ZNF839: variants seen among roughly 807,000 people sequenced by gnomAD.
The protein encoded by ZNF839 is zinc finger protein 839.
Under a neutral mutation model 56.4 loss-of-function variants are expected in ZNF839, and 38 were observed. The ratio of observed to expected loss-of-function variants is 0.67; its 90% CI spans 0.52 to 0.88. The LOEUF is 0.88. Ranked by LOEUF, ZNF839 falls within the 40% of genes least tolerant of loss-of-function variation. The pLI, the probability that ZNF839 is intolerant of heterozygous loss-of-function variation, is 0.00. For synonymous variants in ZNF839, 486 were observed against 493.5 expected (o/e 0.98, Z 0.20); for missense variants, 1,091 against 1,177.6 (o/e 0.93, Z 1.08).
chr14:102,334,575 G>A lies in ZNF839; in HGVS notation c.1438G>A (p.Glu480Lys). The change falls in exon 4 of 8, where the codon GAG (glutamate) becomes AAG (lysine). Residue 480 changes from glutamate (E) to lysine (K), a missense_variant. By Grantham distance (56) the Glu-to-Lys change is moderately conservative. Around this residue, in one of 3 missense-constraint regions of ZNF839, gnomAD observed 614 missense variants for 629.2 expected, o/e 0.98. Coordinates refer to ENST00000442396, the MANE Select transcript of ZNF839 (RefSeq NM_018335.6). ...LKEFLQQCDREDLVELALPQL... is the reference protein window; with the variant it reads ...LKEFLQQCDRKDLVELALPQL... ...GTAGTTCCTCCAGCAGTGTGACCGG[G>A]AGGATCTGGTGGAATTGGCTCTGCC... 1 of 1,611,966 alleles carries A rather than the reference G, an allele frequency of 6.2e-7. No homozygotes were observed. The highest frequency in any genetic ancestry group is 8.5e-7 in the Non-Finnish European group (1 of 1,179,116).
intron 2 of ZNF839, among the ~76,000 whole-genome samples, chr14:102,329,066 T>C (rs2073632360): frequency 6.6e-6 from 1 of 151,030 alleles, no homozygotes; most frequent in African/African-American, 2.4e-5. Flanking sequence ...ACCTCCCGGG[T>C]TCAAGTCGTT....
At chr14:102,334,710 ATTAT>A (rs1386423042) in intron 4 of ZNF839, 64 bp downstream of exon 4, 2 of 856,444 alleles carry the variant, frequency 2.3e-6, no homozygotes, top group Admixed American at 3.3e-5. Flanking sequence ...AAATAATATT[ATTAT>A]TTATTAATTA....
chr14:102,338,932 C>T lies in ZNF839; in HGVS notation c.1776C>T (p.Ser592=). ...ATGGGGAGCAGCTAGAGGGAGCTAGCAGCGAGAAGAGGGAACGTGAGGTGG... is the reference window on the plus strand; with the variant it reads ...ATGGGGAGCAGCTAGAGGGAGCTAGTAGCGAGAAGAGGGAACGTGAGGTGG... The part of the protein sequence containing the change: ...DMDGEQLEGA[S]SEKREREAAE... The change falls in exon 6 of 8, where the codon AGC becomes AGT. Residue 592 remains serine (S), a synonymous_variant. Transcript: ENST00000442396. 6.2e-7 allele frequency: 1 copy of T among 1,613,992 alleles called. No individual in the cohort carries two copies. Among genetic ancestry groups the T allele is most frequent in the Non-Finnish European group, 8.5e-7 (1 of 1,179,900 alleles).
chr14:102,341,831 CTG>C lies in ZNF839; in HGVS notation c.2439_2440del (p.Ala814LeufsTer20). The C allele has an allele frequency of 6.2e-7, 1 of 1,614,058 alleles. No homozygotes were observed. The highest frequency in any genetic ancestry group is 2.2e-5 in the East Asian group (1 of 44,882). ...ILSVDSVAVD[C>X]AYRTVPKPGP... ...TGTCTGTGGATAGCGTGGCAGTGGA[CTG>C]TGCCTACAGGACTGTGCCCAAGCCA... On this transcript the variant is annotated frameshift_variant, in exon 8 of 8. Coordinates refer to ENST00000442396, the MANE Select transcript of ZNF839 (RefSeq NM_018335.6). LOFTEE classifies it low-confidence loss of function (END_TRUNC).
intron 2 of ZNF839, among the ~76,000 whole-genome samples, chr14:102,329,473 C>T (rs1318945941): frequency 7.2e-5 from 11 of 151,808 alleles, no homozygotes; most frequent in Admixed American, 7.2e-4. Context: ...CAACCTCTGC[C>T]CCCTCGTTTC....
At chr14:102,333,427 CT>C (rs1265008542) in intron 3 of ZNF839, among the ~76,000 whole-genome samples, 1 of 151,882 alleles carries the variant, frequency 6.6e-6, no homozygotes, top group Admixed American at 6.6e-5. Context: ...CCACACCCAG[CT>C]GATTTTTAAT....
chr14:102,324,669 C>T (rs1378623452), intron 1 of ZNF839, among the ~76,000 whole-genome samples: 1 of 151,964 alleles, frequency 6.6e-6, no homozygotes, highest in Non-Finnish European at 1.5e-5. Flanking sequence ...GGCGACAGAA[C>T]GAGACTCCAT....
chr14:102,329,811 T>TGA (rs71305082), intron 2 of ZNF839, among the ~76,000 whole-genome samples: 1 of 113,940 alleles, frequency 8.8e-6, no homozygotes, highest in Non-Finnish European at 1.6e-5. Flanking sequence ...TTTTTTTTTT[T>TGA]GAGACGAAGT....
chr14:102,331,210 A>G (rs1281547309), intron 2 of ZNF839, among the ~76,000 whole-genome samples: 1 of 152,264 alleles, frequency 6.6e-6, no homozygotes, highest in Non-Finnish European at 1.5e-5. Flanking sequence ...AACAAAATTC[A>G]GGTCAGGTTT....
intron 4 of ZNF839, chr14:102,335,106 G>C (rs4906192): frequency 0.32 from 49,442 of 153,586 alleles, 10,764 homozygotes; most frequent in African/African-American, 0.62. Flanking sequence ...TTTTCCTTTT[G>C]CAGGACAGCT....
Position 102,319,747 on chromosome 14 carries a change from A to G in ZNF839, c.-19A>G. 1 of 1,228,480 alleles carries G rather than the reference A, an allele frequency of 8.1e-7. No individual in the cohort carries two copies. The allele number at this position is 1,228,480 out of a possible 1,614,324, so 76.1% of individuals were successfully genotyped here. A position where few individuals can be genotyped will look rare whatever the true frequency, so the allele number is the denominator to read the frequency against. The stretch of plus-strand genomic sequence containing the variant: ...GCCGTCGCTCAGCGACCCGGGTTCG[A>G]GTCCCCGCCTCGGCCGCCATGGCGG... On this transcript the variant is annotated 5_prime_UTR_variant, in exon 1 of 8. Transcript: ENST00000442396. This position sits in a 1 kb window ranked among gnomAD's most constrained non-coding sequence, Gnocchi z 4.5.
At chr14:102,338,477 G>A (rs1175779628) in intron 5 of ZNF839, among the ~76,000 whole-genome samples, 1 of 147,168 alleles carries the variant, frequency 6.8e-6, no homozygotes, top group Non-Finnish European at 1.5e-5. Flanking sequence ...AGCGGAGGTT[G>A]TGGTAAGCCA....
At chr14:102,331,937 A>G in intron 3 of ZNF839, 91 bp downstream of exon 3, 1 of 1,055,308 alleles carries the variant, frequency 9.5e-7, no homozygotes. Flanking sequence ...TAAGCAGTTC[A>G]CCTGAAATGT....
chr14:102,341,260 G>T (rs1886483424), intron 7 of ZNF839, 63 bp from the exon 8 acceptor site: 1 of 1,441,642 alleles, frequency 6.9e-7, no homozygotes, highest in South Asian at 1.8e-5. Flanking sequence ...TTTGGGTGGT[G>T]AGTGCAGTGA....
chr14:102,335,572 C>A, intron 4 of ZNF839, 117 bp from the exon 5 acceptor site: 1 of 1,043,480 alleles, frequency 9.6e-7, no homozygotes, highest in Non-Finnish European at 1.4e-6. Flanking sequence ...AGGAAACGCA[C>A]ACCACTGAGG....
At position 102,339,043 on chromosome 14, in the gene ZNF839, G is replaced by A; in HGVS notation, c.1798-51G>A. On this transcript the variant is annotated intron_variant, in intron 6 of 7. Coordinates refer to ENST00000442396, the MANE Select transcript of ZNF839 (RefSeq NM_018335.6). ...CTGTTCACACCAGGAAGAGGAGGTA[G>A]CGGTTTGCCTATTCCTTCCTATTCT... The A allele has an allele frequency of 3.1e-6, 5 of 1,613,306 alleles. No individual in the cohort carries two copies. The East Asian group carries it at 8.9e-5, about 29-fold the overall frequency.
At chr14:102,330,988 G>A (rs1171309508) in intron 2 of ZNF839, among the ~76,000 whole-genome samples, 3 of 152,146 alleles carry the variant, frequency 2.0e-5, no homozygotes, top group Admixed American at 6.5e-5. Context: ...CTGTCGGGAG[G>A]GAGGAGGAGG....
chr14:102,342,075 TC>T lies in ZNF839; in HGVS notation c.2682del (p.Asp895MetfsTer11), dbSNP rs1886592701. 1 of 1,613,872 alleles carries T rather than the reference TC, an allele frequency of 6.2e-7. No homozygotes were observed. The highest frequency in any genetic ancestry group is 1.7e-5 in the Admixed American group (1 of 59,988). On this transcript the variant is annotated frameshift_variant, in exon 8 of 8. Coordinates refer to ENST00000442396, the MANE Select transcript of ZNF839 (RefSeq NM_018335.6). LOFTEE classifies it low-confidence loss of function (END_TRUNC). ...ACAGAAGCAGATTTTTATTCAGACT[TC>T]CGATGGGCTTATCTTGTCCCCTCCA... Reference protein sequence around the residue: ...QGQKQIFIQTSDGLILSPPGT... With the variant: ...QGQKQIFIQTXDGLILSPPGT...
chr14:102,334,573 G>T lies in ZNF839; in HGVS notation c.1436G>T (p.Arg479Leu), dbSNP rs748007284. ...RLKEFLQQCDREDLVELALPQ... is the reference protein window; with the variant it reads ...RLKEFLQQCDLEDLVELALPQ... ...TGGTAGTTCCTCCAGCAGTGTGACC[G>T]GGAGGATCTGGTGGAATTGGCTCTG... is the stretch of plus-strand genomic sequence containing the variant. The change falls in exon 4 of 8, where the codon CGG becomes CTG. Residue 479 changes from arginine to leucine, a missense_variant. This residue lies in a region of ZNF839 where 614 missense variants were observed against 629.2 expected (regional missense o/e 0.98). Transcript: ENST00000442396. 1.1e-5 allele frequency: 18 copies of T among 1,611,190 alleles called. No homozygotes were observed. Among genetic ancestry groups the T allele is most frequent in the Non-Finnish European group, 1.5e-5 (18 of 1,178,732 alleles).
Sources: gnomAD v4.1 joint callset for allele counts (sites outside exome capture counted in the v4.1 genomes callset) on GRCh38, gnomAD v4.1.1 for gene constraint, gnomAD v4.1.1 regional missense constraint, Gnocchi (gnomAD v3.1) non-coding constraint, MANE v1.5 for transcripts, NCBI Gene and HGNC (gene_info 2026-07-23, HGNC 2026-07-21) for gene names.